Variants in DGKB observed in about 807,000 individuals in gnomAD.
DGKB encodes diacylglycerol kinase beta, also known as 90 kDa diacylglycerol kinase.
DGKB carries 67 observed loss-of-function variants against 114.3 expected under a neutral mutation model. The observed-to-expected ratio is 0.59, with a 90% CI of 0.48 to 0.72. DGKB has a LOEUF of 0.72. Ranked by LOEUF, DGKB falls within the 30% of genes least tolerant of loss-of-function variation. DGKB has a pLI of 0.00. For synonymous variants in DGKB, 398 were observed against 323.1 expected (o/e 1.23, Z -2.49); for missense variants, 907 against 975.2 (o/e 0.93, Z 0.93).
chr7:14,241,198 A>G (rs187798200), intron 23 of DGKB, among the ~76,000 whole-genome samples: 19 of 152,278 alleles, frequency 1.2e-4, no homozygotes, highest in Middle Eastern at 3.4e-3. Context: ...GTTATGAATT[A>G]TAATATATAC....
At chr7:14,852,162 GTTA>G (rs1849436606) in intron 1 of DGKB, among the ~76,000 whole-genome samples, 1 of 152,022 alleles carries the variant, frequency 6.6e-6, no homozygotes, top group Non-Finnish European at 1.5e-5. Context: ...TACTATTCCA[GTTA>G]TTATTATTAT....
At chr7:14,759,135 G>C (rs1835333443) in intron 2 of DGKB, among the ~76,000 whole-genome samples, 1 of 152,112 alleles carries the variant, frequency 6.6e-6, no homozygotes, top group Non-Finnish European at 1.5e-5. Context: ...ACGTTGGCCA[G>C]GCTGGTGTCG....
rs181164547 is a variant in DGKB, at chr7:14,207,619, A to G, written c.2123-29468T>C. Among the ~76,000 whole-genome samples, 137 of 152,134 alleles carry G rather than the reference A, an allele frequency of 9.0e-4. 2 individuals are homozygous for G. The highest frequency in any genetic ancestry group is 3.3e-3 in the African/African-American group (135 of 41,530). On this transcript the variant is annotated intron_variant, in intron 23 of 25. Coordinates refer to ENST00000402815, the MANE Select transcript of DGKB (RefSeq NM_001350709.2). ...TGTCCTTTGGAGAGATTTTGGGGGT[A>G]ACTAATATCAGTAAACATGTTCCTT...
chr7:14,488,852 C>CA (rs10688534), intron 20 of DGKB, among the ~76,000 whole-genome samples: 11 of 122,726 alleles, frequency 9.0e-5, no homozygotes, highest in Non-Finnish European at 1.5e-4. Flanking sequence ...CAAAAAAAAA[C>CA]AAAAAAAACC....
chr7:14,718,055 C>G (rs952554745), intron 6 of DGKB, among the ~76,000 whole-genome samples: 1 of 152,124 alleles, frequency 6.6e-6, no homozygotes, highest in African/African-American at 2.4e-5. Flanking sequence ...CTATAAATGA[C>G]ACTTTCAGGT....
chr7:14,449,153 A>G (rs554772742), intron 21 of DGKB, among the ~76,000 whole-genome samples: 2 of 152,236 alleles, frequency 1.3e-5, no homozygotes, highest in African/African-American at 4.8e-5. Context: ...TAAATGCTTG[A>G]TAAGATCTGT....
intron 2 of DGKB, among the ~76,000 whole-genome samples, chr7:14,805,525 A>G (rs1198729424): frequency 6.6e-6 from 1 of 151,976 alleles, no homozygotes; most frequent in Admixed American, 6.6e-5. Flanking sequence ...TTCAGTTGCC[A>G]TGGATTTAAA....
chr7:14,332,216 A>G (rs1171578443), intron 23 of DGKB, among the ~76,000 whole-genome samples: 1 of 152,146 alleles, frequency 6.6e-6, no homozygotes, highest in Non-Finnish European at 1.5e-5. Flanking sequence ...TCATTCTCAC[A>G]GTCACCATAT....
chr7:14,801,309 G>C (rs865995709), intron 2 of DGKB, among the ~76,000 whole-genome samples: 9 of 152,120 alleles, frequency 5.9e-5, no homozygotes, highest in Non-Finnish European at 8.8e-5. Context: ...TACTGTCTTT[G>C]TTTGGAGATT....
chr7:14,878,249 C>G (rs577218163), intron 1 of DGKB, among the ~76,000 whole-genome samples: 1 of 152,254 alleles, frequency 6.6e-6, no homozygotes, highest in African/African-American at 2.4e-5. Context: ...TTGATTTTAT[C>G]TGCATTCACA....
At chr7:14,933,103 C>A (rs1269430949) in intron 1 of DGKB, among the ~76,000 whole-genome samples, 1 of 152,148 alleles carries the variant, frequency 6.6e-6, no homozygotes, top group East Asian at 1.9e-4. Context: ...TTTGTTGTCA[C>A]AGAGCATATT....
intron 2 of DGKB, among the ~76,000 whole-genome samples, chr7:14,806,167 C>G (rs952495894): frequency 6.6e-6 from 1 of 151,880 alleles, no homozygotes; most frequent in Non-Finnish European, 1.5e-5. Flanking sequence ...TGTTATGACT[C>G]TAGCTTAATT....
In DGKB at chr7:14,178,063, C is replaced by T; in HGVS notation, c.2211G>A (p.Arg737=). 1.2e-6 allele frequency: 2 copies of T among 1,602,806 alleles called. No individual in the cohort carries two copies. The highest frequency in any genetic ancestry group is 1.3e-5 in the African/African-American group (1 of 74,394). ...QIYTGLKSAG[R]RLAQCSCVVI... ...CCACGCAGGAGCACTGAGCCAGCCG[C>T]CGGCCAGCACTTTTCAGGCCTGTGT... The change falls in exon 24 of 26, where the codon CGG becomes CGA. Residue 737 remains arginine, a synonymous_variant. Transcript: ENST00000402815.
intron 1 of DGKB, among the ~76,000 whole-genome samples, chr7:14,910,242 AAAAGAAAGAAAGAAAG>A (rs61063816): frequency 0.13 from 13,822 of 109,814 alleles, 1,022 homozygotes; most frequent in African/African-American, 0.17. Context: ...CTCCATCAAA[AAAAGAAAGAAAGAAAG>A]AAAGAAAGAA....
At chr7:14,193,742 G>A (rs894588850) in intron 23 of DGKB, among the ~76,000 whole-genome samples, 2 of 151,976 alleles carry the variant, frequency 1.3e-5, no homozygotes, top group Non-Finnish European at 2.9e-5. Flanking sequence ...ACTATTCACA[G>A]AGTAAAGAGA....
At chr7:14,495,658 G>T (rs1283208816) in intron 20 of DGKB, among the ~76,000 whole-genome samples, 1 of 151,600 alleles carries the variant, frequency 6.6e-6, no homozygotes, top group Non-Finnish European at 1.5e-5. Flanking sequence ...TCCAAATATT[G>T]TAATGCCAAA....
chr7:14,189,480 C>T (rs745714725), intron 23 of DGKB, among the ~76,000 whole-genome samples: 1 of 151,656 alleles, frequency 6.6e-6, no homozygotes, highest in Non-Finnish European at 1.5e-5. Flanking sequence ...AGGTAAATAG[C>T]AAGAGAAGAA....
At chr7:14,414,690 T>A (rs1198870648) in intron 21 of DGKB, among the ~76,000 whole-genome samples, 2 of 152,138 alleles carry the variant, frequency 1.3e-5, no homozygotes, top group African/African-American at 2.4e-5. Context: ...CTCTAGAGCA[T>A]AACATTATCA....
In DGKB at chr7:14,894,861, T is replaced by C. The variant is rs193221752; in HGVS notation, c.-188+7731A>G. Among the ~76,000 whole-genome samples, 220 of 151,748 alleles carry C rather than the reference T, an allele frequency of 1.4e-3. 1 individual carries two copies. The highest frequency in any genetic ancestry group is 2.7e-3 in the Non-Finnish European group (180 of 67,696). On this transcript the variant is annotated intron_variant, in intron 1 of 25. Transcript: ENST00000402815. ...AAACAACAGTCCTCCCATAAATGGC[T>C]TTTATGCTATGTTATCTTTAATGTG...
Sources: allele counts gnomAD v4.1 joint callset (sites outside exome capture counted in the v4.1 genomes callset), GRCh38; gene constraint gnomAD v4.1.1; transcripts MANE v1.5; gene names NCBI Gene and HGNC (gene_info 2026-07-23, HGNC 2026-07-21).